Variants in BCL11B observed in about 807,000 individuals in gnomAD.
BCL11B encodes BCL11 transcription factor B.
A neutral mutation model predicts 49.9 loss-of-function variants in BCL11B; 8 were observed. The observed-to-expected ratio is 0.16, with a 90% CI of 0.09 to 0.29. The LOEUF (loss-of-function observed/expected upper bound fraction) is 0.29, where lower values mean the gene tolerates loss of function less well. BCL11B is among the 10% of genes least tolerant of loss of function. BCL11B has a pLI of 1.00. For missense variants in BCL11B, 1,006 were observed against 1,351.0 expected (o/e 0.74, Z 4.00); for synonymous variants, 739 against 637.4 (o/e 1.16, Z -2.40).
intron 3 of BCL11B, among the ~76,000 whole-genome samples, chr14:99,190,143 T>A (rs930450669): frequency 1.3e-5 from 2 of 152,264 alleles, no homozygotes; most frequent in South Asian, 4.1e-4. Flanking sequence ...GAGCCAACAC[T>A]TAAAGCCACA....
At chr14:99,210,314 G>C (rs1887650797) in intron 3 of BCL11B, among the ~76,000 whole-genome samples, 1 of 152,144 alleles carries the variant, frequency 6.6e-6, no homozygotes, top group Non-Finnish European at 1.5e-5. Flanking sequence ...AAATAGAAAG[G>C]TTGGGAGAGC....
rs911252460 is a variant in BCL11B at position 99,244,025 on chromosome 14, C to T, written c.428-12468G>A. Among the ~76,000 whole-genome samples the T allele has an allele frequency of 2.6e-5, 4 of 151,244 alleles. No homozygotes were observed. In the South Asian group the frequency reaches 8.4e-4, roughly 32 times the overall value. ...CTGCAGGGCAGCCTACCCTGCCACTCAGGCGCAGAAAGTGTGCCCTGCAAA... is the reference window on the plus strand; with the variant it reads ...CTGCAGGGCAGCCTACCCTGCCACTTAGGCGCAGAAAGTGTGCCCTGCAAA... On this transcript the variant is annotated intron_variant, in intron 2 of 3. Coordinates refer to ENST00000357195, the MANE Select transcript of BCL11B (RefSeq NM_138576.4).
chr14:99,179,428 C>G (rs533089033), intron 3 of BCL11B, among the ~76,000 whole-genome samples: 1 of 132,996 alleles, frequency 7.5e-6, no homozygotes, highest in Non-Finnish European at 1.5e-5. Flanking sequence ...GAGCTGAGAT[C>G]GAACCACTGC....
chr14:99,234,353 C>T (rs906269375), intron 2 of BCL11B, among the ~76,000 whole-genome samples: 1 of 152,146 alleles, frequency 6.6e-6, no homozygotes, highest in African/African-American at 2.4e-5. Context: ...AGTACCTGTC[C>T]CAGGCTACCT....
intron 1 of BCL11B, 41 bp downstream of exon 1, chr14:99,271,120 C>T (rs1177966637): frequency 6.6e-7 from 1 of 1,516,700 alleles, no homozygotes; most frequent in South Asian, 1.2e-5. Flanking sequence ...ACGCCCGGAG[C>T]CCCATCTCCG....
intron 3 of BCL11B, among the ~76,000 whole-genome samples, chr14:99,198,341 C>T (rs1158697838): frequency 6.6e-6 from 1 of 152,200 alleles, no homozygotes; most frequent in Non-Finnish European, 1.5e-5. Flanking sequence ...TAGACAAGAA[C>T]ACACAGACAT....
At chr14:99,245,950 CG>C (rs1034075062) in intron 2 of BCL11B, among the ~76,000 whole-genome samples, 2 of 146,824 alleles carry the variant, frequency 1.4e-5, no homozygotes, top group East Asian at 2.1e-4. Flanking sequence ...CCGACGGGGG[CG>C]GGGGGGAAAG....
intron 3 of BCL11B, among the ~76,000 whole-genome samples, chr14:99,193,759 T>C (rs1315273803): frequency 6.6e-6 from 1 of 152,140 alleles, no homozygotes; most frequent in African/African-American, 2.4e-5. Context: ...ATGAAGAGGG[T>C]TTGATAGCAC....
At chr14:99,220,169 A>G (rs771055450) in intron 3 of BCL11B, among the ~76,000 whole-genome samples, 20 of 152,252 alleles carry the variant, frequency 1.3e-4, no homozygotes, top group Non-Finnish European at 2.8e-4. Flanking sequence ...CGTAGCCACT[A>G]TAGAAAACGG....
Position 99,232,545 on chromosome 14 carries a change from CCCAGCA to C in BCL11B, c.428-994_428-989del, listed in dbSNP as rs1888369908. Among the ~76,000 whole-genome samples the C allele has an allele frequency of 6.6e-6, 1 of 152,170 alleles. No homozygotes were observed. Among genetic ancestry groups the C allele is most frequent in the Admixed American group, 6.5e-5 (1 of 15,286 alleles). ...GGCCCAGCCGGCTTTGCCAGGGAGGCCCAGCACAGGTCTGCACGGGTGGGAGTCTGC... is the reference window on the plus strand; with the variant it reads ...GGCCCAGCCGGCTTTGCCAGGGAGGCCAGGTCTGCACGGGTGGGAGTCTGC... On this transcript the variant is annotated intron_variant, in intron 2 of 3. Coordinates refer to ENST00000357195, the MANE Select transcript of BCL11B (RefSeq NM_138576.4). The surrounding 1 kb of genome is among the most constrained non-coding windows in gnomAD (Gnocchi z 5.1).
intron 2 of BCL11B, among the ~76,000 whole-genome samples, chr14:99,246,438 CGGCCAGGCGGG>C (rs1888840796): frequency 6.6e-6 from 1 of 152,198 alleles, no homozygotes; most frequent in Admixed American, 6.5e-5. Context: ...CAGAGGCCGG[CGGCCAGGCGGG>C]GGCCAGGCGC....
At position 99,173,118 on chromosome 14, in the gene BCL11B, GA is replaced by G; in HGVS notation, c.*1032del. On this transcript the variant is annotated 3_prime_UTR_variant, in exon 4 of 4. Coordinates refer to ENST00000357195, the MANE Select transcript of BCL11B (RefSeq NM_138576.4). ...AAAAAAGAGAGAAGCCGTCAAGCCA[GA>G]AAACGCCTAAAAGAACACCGCTAGT... is the stretch of plus-strand genomic sequence containing the variant. 8.7e-6 allele frequency: 2 copies of G among 230,860 alleles called. No individual in the cohort carries two copies. Among genetic ancestry groups the G allele is most frequent in the East Asian group, 6.1e-5 (1 of 16,350 alleles). 14.3% of individuals were successfully genotyped at this position (230,860 alleles called of 1,614,324 possible).
At chr14:99,267,136 C>T (rs1393960422) in intron 1 of BCL11B, among the ~76,000 whole-genome samples, 1 of 152,126 alleles carries the variant, frequency 6.6e-6, no homozygotes, top group Non-Finnish European at 1.5e-5. Flanking sequence ...CTCGATGTCT[C>T]TAAGGCCGGC....
chr14:99,256,444 G>A (rs1486980430), intron 2 of BCL11B, among the ~76,000 whole-genome samples: 1 of 152,192 alleles, frequency 6.6e-6, no homozygotes, highest in South Asian at 2.1e-4. Flanking sequence ...CTAATCCAAA[G>A]TCAACCATCA....
At chr14:99,222,841 C>CTTTG (rs1888050418) in intron 3 of BCL11B, among the ~76,000 whole-genome samples, 1 of 139,466 alleles carries the variant, frequency 7.2e-6, no homozygotes, top group African/African-American at 2.8e-5. Flanking sequence ...ATTTCCCTTT[C>CTTTG]TTTCTTTCTT....
At position 99,175,706 on chromosome 14, in the gene BCL11B, G is replaced by A. The variant is rs1273945817; in HGVS notation, c.1130C>T (p.Pro377Leu). ...GCCGCGGCCCGGGGACACGGGCGGC[G>A]GCGTGGAGCTGTTGCCCGCCAGCTC... Reference protein sequence around the residue: ...LRELAGNSSTPPPVSPGRGNP... With the variant: ...LRELAGNSSTLPPVSPGRGNP... The change falls in exon 4 of 4, where the codon CCG becomes CTG. Residue 377 changes from proline (P) to leucine (L), a missense_variant. Coordinates refer to ENST00000357195, the MANE Select transcript of BCL11B (RefSeq NM_138576.4). The A allele has an allele frequency of 2.0e-6, 3 of 1,504,356 alleles. No individual in the cohort carries two copies. The highest frequency in any genetic ancestry group is 4.7e-5 in the Admixed American group (2 of 42,416). The allele number at this position is 1,504,356 out of a possible 1,614,324, so 93.2% of individuals were successfully genotyped here.
At position 99,257,915 on chromosome 14, in the gene BCL11B, G is replaced by T; in HGVS notation, c.59-76C>A. 7.1e-7 allele frequency: 1 copy of T among 1,414,378 alleles called. No homozygotes were observed. Among genetic ancestry groups the T allele is most frequent in the Non-Finnish European group, 9.3e-7 (1 of 1,078,058 alleles). 87.6% of individuals were successfully genotyped at this position (1,414,378 alleles called of 1,614,324 possible). The stretch of plus-strand genomic sequence containing the variant: ...TAGGCGGTCACAGCACCCAACTTCC[G>T]GTCCACCCCTTCCCCGCCAAGAAGC... On this transcript the variant is annotated intron_variant, in intron 1 of 3. Transcript: ENST00000357195. The surrounding 1 kb of genome is among the most constrained non-coding windows in gnomAD (Gnocchi z 6.2).
chr14:99,202,138 C>T (rs1396576418), intron 3 of BCL11B, among the ~76,000 whole-genome samples: 1 of 152,162 alleles, frequency 6.6e-6, no homozygotes, highest in African/African-American at 2.4e-5. Flanking sequence ...TACACCACCA[C>T]ACTCGGCTGA....
At position 99,173,562 on chromosome 14, in the gene BCL11B, A is replaced by AT. The variant is rs1347050959; in HGVS notation, c.*588_*589insA. Reference sequence around the variant, plus strand: ...ACCCCAAAAACAAAAACCAAAAAAAAAATTAAAAAATAATTAAAAAAAAAA... The same window carrying AT: ...ACCCCAAAAACAAAAACCAAAAAAAATAATTAAAAAATAATTAAAAAAAAAA... On this transcript the variant is annotated 3_prime_UTR_variant, in exon 4 of 4. Coordinates refer to ENST00000357195, the MANE Select transcript of BCL11B (RefSeq NM_138576.4). 7 of 182,054 alleles carry AT rather than the reference A, an allele frequency of 3.8e-5. No homozygotes were observed. Among genetic ancestry groups the AT allele is most frequent in the African/African-American group, 7.5e-5 (3 of 40,018 alleles). The allele number at this position is 182,054 out of a possible 1,614,324, so 11.3% of individuals were successfully genotyped here.
Sources: gnomAD v4.1 joint callset for allele counts (sites outside exome capture counted in the v4.1 genomes callset) on GRCh38, gnomAD v4.1.1 for gene constraint, Gnocchi (gnomAD v3.1) non-coding constraint, MANE v1.5 for transcripts, NCBI Gene and HGNC (gene_info 2026-07-23, HGNC 2026-07-21) for gene names.